The following GPC6 variants were observed in gnomAD, a reference collection of about 807,000 sequenced individuals.
GPC6 encodes the protein glypican-6.
A neutral mutation model predicts 55.2 loss-of-function variants in GPC6; 14 were observed. The observed-to-expected ratio is 0.25, with a 90% CI of 0.17 to 0.40. GPC6 has a LOEUF of 0.40. Among genes scored for constraint, GPC6 ranks in the 10% least tolerant of loss-of-function variants. The pLI is 1.00. For missense variants in GPC6, 641 were observed against 708.5 expected (o/e 0.90, Z 1.08); for synonymous variants, 278 against 259.6 (o/e 1.07, Z -0.68).
At chr13:94,152,468 G>A (rs1887775183) in intron 4 of GPC6, among the ~76,000 whole-genome samples, 2 of 152,066 alleles carry the variant, frequency 1.3e-5, no homozygotes, top group African/African-American at 4.8e-5. Context: ...CTTAGTACAT[G>A]TCAGGTATTA....
Position 94,211,345 on chromosome 13 carries a change from G to C in GPC6, c.878-75004G>C, listed in dbSNP as rs1412939. 2.6e-5 allele frequency among the ~76,000 whole-genome samples: 4 copies of C among 152,006 alleles called. No homozygotes were observed. In the East Asian group the frequency reaches 7.7e-4, roughly 29 times the overall value. On this transcript the variant is annotated intron_variant, in intron 4 of 8. Coordinates refer to ENST00000377047, the MANE Select transcript of GPC6 (RefSeq NM_005708.5). The stretch of plus-strand genomic sequence containing the variant: ...ATACAATAACTAAGATTAAGTGCCT[G>C]AAGATTTATGTATCAGGAACTTTTC...
chr13:94,313,439 G>C (rs1876361128), intron 6 of GPC6, among the ~76,000 whole-genome samples: 1 of 152,128 alleles, frequency 6.6e-6, no homozygotes, highest in Admixed American at 6.5e-5. Flanking sequence ...ATTCTTTTGG[G>C]CATGTGTAAG....
chr13:93,249,571 A>G (rs7321850), intron 1 of GPC6, among the ~76,000 whole-genome samples: 4,351 of 152,310 alleles, frequency 0.029, 205 homozygotes, highest in African/African-American at 0.1. Context: ...AATGTTAAAC[A>G]TAACTGAAGA....
intron 4 of GPC6, among the ~76,000 whole-genome samples, chr13:94,115,767 C>G: frequency 6.6e-6 from 1 of 152,112 alleles, no homozygotes; most frequent in African/African-American, 2.4e-5. Context: ...ACCATTTCTA[C>G]TTTCTTAAAC....
At chr13:93,936,046 C>T (rs1878419876) in intron 3 of GPC6, among the ~76,000 whole-genome samples, 1 of 152,094 alleles carries the variant, frequency 6.6e-6, no homozygotes, top group African/African-American at 2.4e-5. Context: ...ACACAAACAA[C>T]AGTAAAATAC....
At position 94,334,267 on chromosome 13, in the gene GPC6, G is replaced by A. The variant is rs141185208; in HGVS notation, c.1152+28144G>A. On this transcript the variant is annotated intron_variant, in intron 6 of 8. Transcript: ENST00000377047. ...ATGAGCATGGCTGTGCTTCACTAAC[G>A]TTTATTTACAAAGCAGCAGCCAGCT... Among the ~76,000 whole-genome samples the A allele has an allele frequency of 5.6e-3, 854 of 152,270 alleles. 6 individuals carry two copies. The highest frequency in any genetic ancestry group is 9.7e-3 in the Non-Finnish European group (658 of 68,020).
At position 94,256,278 on chromosome 13, in the gene GPC6, A is replaced by G. The variant is rs1891502103; in HGVS notation, c.878-30071A>G. Among the ~76,000 whole-genome samples the G allele has an allele frequency of 2.0e-5, 3 of 152,296 alleles. No homozygotes were observed. The South Asian group carries it at 6.2e-4, about 32-fold the overall frequency. The stretch of plus-strand genomic sequence containing the variant: ...CAGGGCAGGGGAGTTCAAGTGGTAA[A>G]GAAGATTTGTGTCTCAGTGTAGTAT... On this transcript the variant is annotated intron_variant, in intron 4 of 8. Coordinates refer to ENST00000377047, the MANE Select transcript of GPC6 (RefSeq NM_005708.5).
At chr13:93,754,899 C>G (rs1007559656) in intron 2 of GPC6, among the ~76,000 whole-genome samples, 1 of 152,054 alleles carries the variant, frequency 6.6e-6, no homozygotes, top group Non-Finnish European at 1.5e-5. Flanking sequence ...TACAGATCTT[C>G]GGGAACTCCT....
intron 1 of GPC6, among the ~76,000 whole-genome samples, chr13:93,459,054 T>C (rs963724189): frequency 6.6e-6 from 1 of 152,194 alleles, no homozygotes; most frequent in African/African-American, 2.4e-5. Context: ...AAATCATATT[T>C]GTATTTTATT....
chr13:94,366,621 G>A (rs1467261734), intron 6 of GPC6, among the ~76,000 whole-genome samples: 2 of 152,180 alleles, frequency 1.3e-5, no homozygotes, highest in African/African-American at 2.4e-5. Context: ...TATGAAGACC[G>A]CATATCTAAT....
At chr13:93,261,527 A>G (rs1222754538) in intron 1 of GPC6, among the ~76,000 whole-genome samples, 1 of 152,182 alleles carries the variant, frequency 6.6e-6, no homozygotes, top group Non-Finnish European at 1.5e-5. Flanking sequence ...GCATAAGAAG[A>G]ATCCAGTATA....
At chr13:93,641,221 T>C (rs1332753558) in intron 2 of GPC6, among the ~76,000 whole-genome samples, 1 of 152,012 alleles carries the variant, frequency 6.6e-6, no homozygotes, top group African/African-American at 2.4e-5. Flanking sequence ...TTCACAATTG[T>C]GTCCCACTCC....
At chr13:93,504,004 G>A (rs1243627861) in intron 1 of GPC6, among the ~76,000 whole-genome samples, 2 of 151,952 alleles carry the variant, frequency 1.3e-5, no homozygotes, top group Admixed American at 1.3e-4. Context: ...TTGATATTTT[G>A]CCTTTTTGAT....
intron 3 of GPC6, among the ~76,000 whole-genome samples, chr13:94,012,134 T>C (rs1351808971): frequency 6.6e-6 from 1 of 152,208 alleles, no homozygotes; most frequent in Non-Finnish European, 1.5e-5. Context: ...AGATTCTTCA[T>C]GCCCATGGAA....
At chr13:93,438,327 T>C (rs947968392) in intron 1 of GPC6, among the ~76,000 whole-genome samples, 4 of 152,174 alleles carry the variant, frequency 2.6e-5, no homozygotes, top group Non-Finnish European at 4.4e-5. Flanking sequence ...ATAGTTTCCA[T>C]AGAGGGTGAT....
chr13:93,810,432 C>A (rs1274927678), intron 2 of GPC6, among the ~76,000 whole-genome samples: 1 of 152,112 alleles, frequency 6.6e-6, no homozygotes, highest in East Asian at 1.9e-4. Flanking sequence ...TGGTTTCAGT[C>A]CTGGCTTTAA....
intron 3 of GPC6, among the ~76,000 whole-genome samples, chr13:93,844,491 G>C (rs982829362): frequency 5.9e-5 from 9 of 151,822 alleles, no homozygotes; most frequent in Non-Finnish European, 4.4e-5. Flanking sequence ...TGATGGGGTT[G>C]TTTGTTTTTT....
At chr13:93,374,010 T>C (rs1874783954) in intron 1 of GPC6, among the ~76,000 whole-genome samples, 1 of 152,162 alleles carries the variant, frequency 6.6e-6, no homozygotes, top group East Asian at 1.9e-4. Context: ...ATGGGCTTTA[T>C]AATCTAGGGA....
At chr13:94,276,547 A>G (rs960401986) in intron 4 of GPC6, among the ~76,000 whole-genome samples, 3 of 152,068 alleles carry the variant, frequency 2.0e-5, no homozygotes, top group Non-Finnish European at 4.4e-5. Context: ...TACATGTGCC[A>G]TGGTGGTTTC....
Sources: allele counts gnomAD v4.1 joint callset (sites outside exome capture counted in the v4.1 genomes callset), GRCh38; gene constraint gnomAD v4.1.1; transcripts MANE v1.5; gene names NCBI Gene and HGNC (gene_info 2026-07-23, HGNC 2026-07-21).